PLEKHA7: variants seen among roughly 807,000 people sequenced by gnomAD.
PLEKHA7 encodes the protein pleckstrin homology domain-containing family A member 7.
In PLEKHA7, 104 loss-of-function variants were observed where a neutral mutation model predicts 170.0. The observed-to-expected ratio is 0.61, with a 90% CI of 0.52 to 0.72. The LOEUF is 0.72. Among genes scored for constraint, PLEKHA7 ranks in the 30% least tolerant of loss-of-function variants. The pLI is 0.00. For synonymous variants in PLEKHA7, 648 were observed against 660.8 expected (o/e 0.98, Z 0.30); for missense variants, 1,615 against 1,671.7 (o/e 0.97, Z 0.59).
chr11:17,004,432 G>A (rs1389455429), intron 3 of PLEKHA7, among the ~76,000 whole-genome samples: 1 of 143,774 alleles, frequency 7.0e-6, no homozygotes, highest in African/African-American at 2.6e-5. Flanking sequence ...CACTCTTGTC[G>A]CCCAGGCTGG....
chr11:16,887,818 C>G (rs1165147535), intron 3 of PLEKHA7, among the ~76,000 whole-genome samples: 1 of 151,724 alleles, frequency 6.6e-6, no homozygotes, highest in Non-Finnish European at 1.5e-5. Flanking sequence ...GCCGCCACCC[C>G]GTCTGGGAAG....
At chr11:16,988,388 T>C (rs1300382958) in intron 3 of PLEKHA7, among the ~76,000 whole-genome samples, 2 of 152,198 alleles carry the variant, frequency 1.3e-5, no homozygotes, top group African/African-American at 4.8e-5. Context: ...ATTTACTCCA[T>C]ACTCTCCACT....
intron 17 of PLEKHA7, 100 bp from the exon 18 acceptor site, chr11:16,795,118 GCAGC>G: frequency 1.2e-6 from 1 of 846,704 alleles, no homozygotes; most frequent in Non-Finnish European, 2.0e-6. Context: ...GCCCTGAGGG[GCAGC>G]ATCCCCTCTG....
intron 3 of PLEKHA7, among the ~76,000 whole-genome samples, chr11:17,009,524 G>A (rs556626306): frequency 6.6e-6 from 1 of 152,202 alleles, no homozygotes; most frequent in South Asian, 2.1e-4. Flanking sequence ...TACTATTATT[G>A]CTACTTCTGT....
chr11:16,895,233 A>T (rs1407806089), intron 3 of PLEKHA7, among the ~76,000 whole-genome samples: 1 of 152,118 alleles, frequency 6.6e-6, no homozygotes, highest in Non-Finnish European at 1.5e-5. Context: ...GGCCCTCCTC[A>T]TTTGTGTCTA....
In PLEKHA7 at chr11:16,791,347, C is replaced by G; in HGVS notation, c.2746-148G>C. ...CTGCCTCAGCCAAGGAGCACTCACA[C>G]TTCCCCTGGCGGAGCAGTGAAGAAG... On this transcript the variant is annotated intron_variant, in intron 19 of 26. Transcript: ENST00000531066. This position sits in a 1 kb window ranked among gnomAD's most constrained non-coding sequence, Gnocchi z 4.5. 1 of 713,140 alleles carries G rather than the reference C, an allele frequency of 1.4e-6. No individual in the cohort carries two copies. Among genetic ancestry groups the G allele is most frequent in the South Asian group, 1.9e-5 (1 of 52,934 alleles). The allele number at this position is 713,140 out of a possible 1,614,324, so 44.2% of individuals were successfully genotyped here. A position where few individuals can be genotyped will look rare whatever the true frequency, so the allele number is the denominator to read the frequency against.
At chr11:16,830,343 C>G (rs72864021) in intron 9 of PLEKHA7, among the ~76,000 whole-genome samples, 11,395 of 152,192 alleles carry the variant, frequency 0.075, 635 homozygotes, top group Non-Finnish European at 0.11. Flanking sequence ...GCTGAGGCTA[C>G]TTCGGAGATG....
rs528936031 is a variant in PLEKHA7, at chr11:16,818,381, C to A, written c.1344-1059G>T. On this transcript the variant is annotated intron_variant, in intron 10 of 26. Transcript: ENST00000531066. ...TTCACTAACGTGTGTACCCTTCCTGCCCTTCTTACTCTTATAACACTGTTC... is the reference window on the plus strand; with the variant it reads ...TTCACTAACGTGTGTACCCTTCCTGACCTTCTTACTCTTATAACACTGTTC... 1.5e-4 allele frequency among the ~76,000 whole-genome samples: 23 copies of A among 152,334 alleles called. 1 individual carries two copies. In the South Asian group the frequency reaches 4.6e-3, roughly 30 times the overall value.
intron 3 of PLEKHA7, among the ~76,000 whole-genome samples, chr11:17,000,009 T>G (rs567115690): frequency 3.3e-5 from 5 of 152,258 alleles, no homozygotes; most frequent in Non-Finnish European, 2.9e-5. Context: ...GTGGGAATCC[T>G]CTCCACTGGA....
At chr11:16,935,384 T>G (rs1480721948) in intron 3 of PLEKHA7, among the ~76,000 whole-genome samples, 1 of 152,212 alleles carries the variant, frequency 6.6e-6, no homozygotes, top group Non-Finnish European at 1.5e-5. Context: ...ATCGTGCCAT[T>G]GCACTCCAGC....
chr11:16,968,023 A>T (rs1007225984), intron 3 of PLEKHA7, among the ~76,000 whole-genome samples: 17 of 152,300 alleles, frequency 1.1e-4, no homozygotes, highest in African/African-American at 4.1e-4. Context: ...ACGGAGGGAA[A>T]GAAGAAGGGA....
At chr11:16,822,727 A>T (rs217754) in intron 10 of PLEKHA7, among the ~76,000 whole-genome samples, 32,778 of 151,970 alleles carry the variant, frequency 0.22, 3,670 homozygotes, top group East Asian at 0.37. Flanking sequence ...GCCCTCTGCA[A>T]CTGTGCTCTC....
intron 23 of PLEKHA7, chr11:16,788,859 T>C (rs780336116): frequency 2.7e-5 from 16 of 590,468 alleles, no homozygotes; most frequent in South Asian, 6.6e-5. Context: ...TGACTGGGTA[T>C]TTCCTCAGGC....
intron 4 of PLEKHA7, among the ~76,000 whole-genome samples, chr11:16,867,143 G>C (rs1208986972): frequency 2.0e-5 from 3 of 152,172 alleles, no homozygotes; most frequent in African/African-American, 7.2e-5. Context: ...GAGTAATTTA[G>C]AAGGGATGAA....
At chr11:16,950,244 C>T (rs1861319017) in intron 3 of PLEKHA7, among the ~76,000 whole-genome samples, 1 of 152,088 alleles carries the variant, frequency 6.6e-6, no homozygotes, top group Admixed American at 6.6e-5. Flanking sequence ...AACCAATGGG[C>T]ATGGACATGA....
chr11:16,927,904 C>T (rs1227682075), intron 3 of PLEKHA7, among the ~76,000 whole-genome samples: 1 of 151,158 alleles, frequency 6.6e-6, no homozygotes, highest in Non-Finnish European at 1.5e-5. Context: ...GGAATACATA[C>T]AACTTTTAAA....
chr11:16,999,874 C>A (rs1864562479), intron 3 of PLEKHA7, among the ~76,000 whole-genome samples: 1 of 152,136 alleles, frequency 6.6e-6, no homozygotes, highest in Non-Finnish European at 1.5e-5. Flanking sequence ...TGCTGACTCC[C>A]AGCCCCACCC....
At chr11:16,949,152 G>A (rs1861246990) in intron 3 of PLEKHA7, among the ~76,000 whole-genome samples, 1 of 151,512 alleles carries the variant, frequency 6.6e-6, no homozygotes, top group Non-Finnish European at 1.5e-5. Context: ...TATTTAGCAA[G>A]CTTTATCTGT....
In PLEKHA7 at chr11:17,005,273, G is replaced by A. The variant is rs567446869; in HGVS notation, c.221+8716C>T. Among the ~76,000 whole-genome samples the A allele has an allele frequency of 1.1e-4, 16 of 152,342 alleles. No homozygotes were observed. In the East Asian group the frequency reaches 2.9e-3, roughly 28 times the overall value. On this transcript the variant is annotated intron_variant, in intron 3 of 26. Coordinates refer to ENST00000531066, the MANE Select transcript of PLEKHA7 (RefSeq NM_001329630.2). The stretch of plus-strand genomic sequence containing the variant: ...AGGCTGGGCCCGGTGGCCCACGCCT[G>A]TAATCCCAGCACTTCCAGGAGGCCA...
Sources: gnomAD v4.1 joint callset for allele counts (sites outside exome capture counted in the v4.1 genomes callset) on GRCh38, gnomAD v4.1.1 for gene constraint, Gnocchi (gnomAD v3.1) non-coding constraint, MANE v1.5 for transcripts, NCBI Gene and HGNC (gene_info 2026-07-23, HGNC 2026-07-21) for gene names.